Variants in ZFYVE28 observed in about 807,000 individuals in gnomAD.
ZFYVE28 encodes the protein zinc finger FYVE-type containing 28.
A neutral mutation model predicts 82.1 loss-of-function variants in ZFYVE28; 40 were observed. The ratio of observed to expected loss-of-function variants is 0.49; its 90% CI spans 0.38 to 0.63. The LOEUF (loss-of-function observed/expected upper bound fraction) is 0.63, where lower values mean the gene tolerates loss of function less well. Ranked by LOEUF, ZFYVE28 falls within the 30% of genes least tolerant of loss-of-function variation. The pLI, the probability that ZFYVE28 is intolerant of heterozygous loss-of-function variation, is 0.00. For synonymous variants in ZFYVE28, 612 were observed against 546.1 expected (o/e 1.12, Z -1.68); for missense variants, 1,321 against 1,242.1 (o/e 1.06, Z -0.96).
rs1017249900 is a variant in ZFYVE28 at position 2,320,714 on chromosome 4, G to A, written c.702-443C>T. Among the ~76,000 whole-genome samples the A allele has an allele frequency of 2.6e-5, 4 of 152,134 alleles. No individual in the cohort carries two copies. The highest frequency in any genetic ancestry group is 5.9e-5 in the Non-Finnish European group (4 of 68,016). On this transcript the variant is annotated intron_variant, in intron 6 of 12. Coordinates refer to ENST00000290974, the MANE Select transcript of ZFYVE28 (RefSeq NM_020972.3). This position sits in a 1 kb window ranked among gnomAD's most constrained non-coding sequence, Gnocchi z 5.1. ...CAAAAGCAAAACCAGCTGGAGGTGC[G>A]AGCTGAGGCCCGCACGGGTTCCCTT...
chr4:2,402,234 G>A (rs1328288849), intron 1 of ZFYVE28, among the ~76,000 whole-genome samples: 1 of 152,212 alleles, frequency 6.6e-6, no homozygotes, highest in Non-Finnish European at 1.5e-5. Flanking sequence ...TCAACCTGGA[G>A]ACAGCCCTGC....
At chr4:2,411,253 CT>C (rs1732494218) in intron 1 of ZFYVE28, among the ~76,000 whole-genome samples, 1 of 152,152 alleles carries the variant, frequency 6.6e-6, no homozygotes, top group Non-Finnish European at 1.5e-5. Flanking sequence ...CCTACACCCC[CT>C]GCCTCCCTCC....
At chr4:2,366,613 A>G (rs1250622738) in intron 1 of ZFYVE28, among the ~76,000 whole-genome samples, 1 of 152,254 alleles carries the variant, frequency 6.6e-6, no homozygotes, top group Non-Finnish European at 1.5e-5. Flanking sequence ...GTGGCCCCAG[A>G]GAAAACCCTC....
intron 8 of ZFYVE28, among the ~76,000 whole-genome samples, chr4:2,301,172 A>T (rs1715460671): frequency 6.6e-6 from 1 of 152,150 alleles, no homozygotes; most frequent in Non-Finnish European, 1.5e-5. Context: ...ACCTGGGAGG[A>T]CAGGCTATGT....
intron 1 of ZFYVE28, among the ~76,000 whole-genome samples, chr4:2,357,046 A>C (rs1578232235): frequency 6.6e-6 from 1 of 152,168 alleles, no homozygotes; most frequent in Non-Finnish European, 1.5e-5. Flanking sequence ...GTGTAATCCC[A>C]CCACCACATC....
At chr4:2,355,969 G>A (rs1251603997) in intron 1 of ZFYVE28, among the ~76,000 whole-genome samples, 1 of 152,222 alleles carries the variant, frequency 6.6e-6, no homozygotes, top group African/African-American at 2.4e-5. Context: ...GTTCGAATGC[G>A]CTGGCCGTGT....
chr4:2,315,999 T>G (rs146709032), intron 7 of ZFYVE28, among the ~76,000 whole-genome samples: 317 of 152,232 alleles, frequency 2.1e-3, no homozygotes, highest in Non-Finnish European at 3.2e-3. Flanking sequence ...TCTTTTTTCC[T>G]GCCCGAGCTT....
chr4:2,388,331 A>G (rs10488837), intron 1 of ZFYVE28, among the ~76,000 whole-genome samples: 10,593 of 152,280 alleles, frequency 0.07, 1,134 homozygotes, highest in African/African-American at 0.23. Context: ...TAATACTGTC[A>G]ACCCCAGCAC....
chr4:2,284,911 G>A (rs1174850034), intron 8 of ZFYVE28, among the ~76,000 whole-genome samples: 1 of 152,228 alleles, frequency 6.6e-6, no homozygotes, highest in Admixed American at 6.5e-5. Context: ...AGGGAGGCGC[G>A]AGTGTGCTGT....
chr4:2,315,274 C>T (rs1017489301), intron 7 of ZFYVE28, among the ~76,000 whole-genome samples: 4 of 152,100 alleles, frequency 2.6e-5, no homozygotes, highest in Admixed American at 1.3e-4. Flanking sequence ...TATTTTCCTT[C>T]AGCAGTTTTT....
chr4:2,273,919 G>T, intron 9 of ZFYVE28, 143 bp downstream of exon 9: 1 of 920,602 alleles, frequency 1.1e-6, no homozygotes, highest in Non-Finnish European at 1.6e-6. Context: ...TCCATGAACA[G>T]GAGTGCTGGC....
At chr4:2,346,050 C>T (rs1175175132) in intron 2 of ZFYVE28, among the ~76,000 whole-genome samples, 1 of 151,824 alleles carries the variant, frequency 6.6e-6, no homozygotes, top group East Asian at 1.9e-4. Context: ...AATTCTTGGC[C>T]AGGGGCGGTG....
Position 2,270,627 on chromosome 4 carries a change from AGCG to A in ZFYVE28, c.*95_*97del, listed in dbSNP as rs1346115323. 6.5e-7 allele frequency: 1 copy of A among 1,538,786 alleles called. No homozygotes were observed. Among genetic ancestry groups the A allele is most frequent in the African/African-American group, 1.4e-5 (1 of 73,964 alleles). ...GTCTGGGTGCCCCTGCAGCAGCGGC[AGCG>A]GCCTCATGAGACGCAGTGAGACCTG... On this transcript the variant is annotated 3_prime_UTR_variant, in exon 13 of 13. Transcript: ENST00000290974.
chr4:2,288,447 G>T (rs1713097415), intron 8 of ZFYVE28, among the ~76,000 whole-genome samples: 1 of 152,238 alleles, frequency 6.6e-6, no homozygotes, highest in African/African-American at 2.4e-5. Context: ...GGCCACAGTG[G>T]AGCAGCAGCG....
chr4:2,280,717 A>G (rs1711844787), intron 8 of ZFYVE28, among the ~76,000 whole-genome samples: 1 of 152,222 alleles, frequency 6.6e-6, no homozygotes, highest in Non-Finnish European at 1.5e-5. Context: ...GAAGAAAGGA[A>G]AGTGCCTGCT....
intron 5 of ZFYVE28, among the ~76,000 whole-genome samples, chr4:2,336,690 G>A (rs1397967973): frequency 1.3e-5 from 2 of 151,784 alleles, no homozygotes; most frequent in Admixed American, 1.3e-4. Context: ...AGGAGGTGAG[G>A]AGTGAGAATG....
intron 11 of ZFYVE28, 65 bp from the exon 12 acceptor site, chr4:2,271,479 C>G: frequency 6.5e-7 from 1 of 1,549,566 alleles, no homozygotes; most frequent in South Asian, 1.1e-5. Flanking sequence ...CCGGGACCCT[C>G]AACCTACCCT....
chr4:2,292,688 C>T (rs1236161079), intron 8 of ZFYVE28, among the ~76,000 whole-genome samples: 1 of 152,162 alleles, frequency 6.6e-6, no homozygotes, highest in Non-Finnish European at 1.5e-5. Context: ...ACAAAGAAAA[C>T]TCCAGGCCCA....
At chr4:2,365,900 G>A (rs1204348987) in intron 1 of ZFYVE28, among the ~76,000 whole-genome samples, 3 of 152,198 alleles carry the variant, frequency 2.0e-5, no homozygotes. Context: ...GGGACTGGGG[G>A]CTCCCCTCTA....
Sources: gnomAD v4.1 joint callset for allele counts (sites outside exome capture counted in the v4.1 genomes callset) on GRCh38, gnomAD v4.1.1 for gene constraint, Gnocchi (gnomAD v3.1) non-coding constraint, MANE v1.5 for transcripts, NCBI Gene and HGNC (gene_info 2026-07-23, HGNC 2026-07-21) for gene names.